Variants in ACYP2 observed in about 807,000 individuals in gnomAD.
The protein encoded by ACYP2 is acylphosphatase 2.
ACYP2 carries 12 observed loss-of-function variants against 11.2 expected under a neutral mutation model. The observed-to-expected ratio is 1.08, with a 90% confidence interval of 0.69 to 1.74. The LOEUF (loss-of-function observed/expected upper bound fraction) is 1.74. Ranked by LOEUF, ACYP2 falls within the 40% of genes most tolerant of loss-of-function variation. ACYP2 has a pLI of 0.00. For synonymous variants in ACYP2, 43 were observed against 32.2 expected, an observed-to-expected ratio of 1.33 and a Z score of -1.13; for missense variants, 134 against 101.9, an observed-to-expected ratio of 1.31 and a Z score of -1.35.
chr2:53,984,616 C>T (rs138313029), intron 2 of ACYP2, among the ~76,000 whole-genome samples: 1,615 of 149,846 alleles, frequency 0.011, 11 homozygotes, highest in Middle Eastern at 0.025. Context: ...TGTGTGTATG[C>T]ATATATTATA....
chr2:54,280,064 G>C (rs1461053683), intron 6 of ACYP2, among the ~76,000 whole-genome samples: 1 of 152,076 alleles, frequency 6.6e-6, no homozygotes, highest in South Asian at 2.1e-4. Context: ...CCCAACAATA[G>C]GAGATATCCA....
At chr2:54,241,399 A>G (rs1436946646) in intron 6 of ACYP2, among the ~76,000 whole-genome samples, 1 of 152,222 alleles carries the variant, frequency 6.6e-6, no homozygotes, top group Non-Finnish European at 1.5e-5. Flanking sequence ...AATGTGTTGA[A>G]GTATGCACTC....
At chr2:54,285,764 A>G (rs1435509586) in intron 6 of ACYP2, among the ~76,000 whole-genome samples, 2 of 152,226 alleles carry the variant, frequency 1.3e-5, no homozygotes, top group South Asian at 2.1e-4. Context: ...CCTTTTTAAC[A>G]TACTGCAAAC....
intron 4 of ACYP2, among the ~76,000 whole-genome samples, chr2:54,134,341 T>A (rs1380692871): frequency 6.6e-6 from 1 of 152,058 alleles, no homozygotes; most frequent in Non-Finnish European, 1.5e-5. Context: ...AATAAAGAAC[T>A]GAGGCTTCAG....
At chr2:54,190,829 TCAAAAC>T (rs933378242) in intron 6 of ACYP2, among the ~76,000 whole-genome samples, 1 of 152,156 alleles carries the variant, frequency 6.6e-6, no homozygotes, top group Non-Finnish European at 1.5e-5. Context: ...CTTAGTGTGT[TCAAAAC>T]CAAAGTCTTA....
At chr2:54,031,924 C>A (rs1055007880) in intron 2 of ACYP2, among the ~76,000 whole-genome samples, 1 of 152,162 alleles carries the variant, frequency 6.6e-6, no homozygotes, top group South Asian at 2.1e-4. Context: ...TAAATTTCTT[C>A]TTTTGAGAAG....
intron 6 of ACYP2, among the ~76,000 whole-genome samples, chr2:54,241,810 C>G (rs1184517370): frequency 1.3e-5 from 2 of 152,176 alleles, no homozygotes. Context: ...GTCAGGAGTT[C>G]AGGACCAGCC....
chr2:54,175,825 G>A (rs1558588589), intron 6 of ACYP2, among the ~76,000 whole-genome samples: 1 of 152,116 alleles, frequency 6.6e-6, no homozygotes, highest in Non-Finnish European at 1.5e-5. Context: ...TGGTCTGAAT[G>A]TTTGTATCCC....
intron 2 of ACYP2, among the ~76,000 whole-genome samples, chr2:54,033,372 G>T (rs1225639445): frequency 6.6e-6 from 1 of 151,168 alleles, no homozygotes; most frequent in African/African-American, 2.4e-5. Flanking sequence ...TAATTTTTGT[G>T]TGTGTTTTGT....
At chr2:54,290,558 TG>T (rs1689259063) in intron 6 of ACYP2, among the ~76,000 whole-genome samples, 1 of 149,802 alleles carries the variant, frequency 6.7e-6, no homozygotes, top group African/African-American at 2.5e-5. Flanking sequence ...AAAACTAGGG[TG>T]GGGACATAAA....
intron 1 of ACYP2, among the ~76,000 whole-genome samples, chr2:53,973,392 A>T (rs894885259): frequency 1.3e-5 from 2 of 152,208 alleles, no homozygotes; most frequent in African/African-American, 4.8e-5. Flanking sequence ...ACCTGCATGT[A>T]TACATCCAGA....
chr2:54,180,042 G>C (rs1010818230), intron 6 of ACYP2, among the ~76,000 whole-genome samples: 20 of 151,980 alleles, frequency 1.3e-4, no homozygotes, highest in Admixed American at 1.2e-3. Context: ...ACCCCTCCTT[G>C]AATTCAATTA....
intron 3 of ACYP2, chr2:54,051,617 G>A: frequency 1.3e-6 from 1 of 743,998 alleles, no homozygotes; most frequent in Non-Finnish European, 2.5e-6. Flanking sequence ...CACTGCTGCA[G>A]GTGACAAGCA....
chr2:54,248,269 G>A (rs934599723), intron 6 of ACYP2, among the ~76,000 whole-genome samples: 3 of 152,198 alleles, frequency 2.0e-5, no homozygotes, highest in Admixed American at 1.3e-4. Context: ...AAGGCTGAAA[G>A]TATGTTATTG....
At chr2:54,302,074 G>A (rs948011360) in intron 6 of ACYP2, among the ~76,000 whole-genome samples, 5 of 152,218 alleles carry the variant, frequency 3.3e-5, no homozygotes, top group Non-Finnish European at 4.4e-5. Context: ...CCCTGATGAT[G>A]TTGAGGACAA....
chr2:53,990,246 T>G (rs1359944252), intron 2 of ACYP2, among the ~76,000 whole-genome samples: 1 of 152,144 alleles, frequency 6.6e-6, no homozygotes, highest in Non-Finnish European at 1.5e-5. Context: ...CTCAAAGTGT[T>G]GTGATTACAG....
At chr2:54,216,286 T>C (rs1685556444) in intron 6 of ACYP2, among the ~76,000 whole-genome samples, 1 of 152,306 alleles carries the variant, frequency 6.6e-6, no homozygotes, top group South Asian at 2.1e-4. Flanking sequence ...TATGCTTCAG[T>C]TGATGTCTGG....
At chr2:54,082,252 T>C (rs1418919337) in intron 4 of ACYP2, among the ~76,000 whole-genome samples, 3 of 148,296 alleles carry the variant, frequency 2.0e-5, no homozygotes, top group Middle Eastern at 3.5e-3. Context: ...CTTTTTTTTT[T>C]CTTTTTTTTT....
chr2:54,070,341 T>C (rs184599626), intron 4 of ACYP2, among the ~76,000 whole-genome samples: 37 of 152,140 alleles, frequency 2.4e-4, no homozygotes, highest in African/African-American at 8.2e-4. Flanking sequence ...CCAGTCATAA[T>C]TGACAAAATG....
Sources: allele counts gnomAD v4.1 joint callset (sites outside exome capture counted in the v4.1 genomes callset), GRCh38; gene constraint gnomAD v4.1.1; transcripts MANE v1.5; gene names NCBI Gene and HGNC (gene_info 2026-07-23, HGNC 2026-07-21).